The following CHODL variants were observed in gnomAD, a reference collection of about 807,000 sequenced individuals.
The protein encoded by CHODL is transmembrane protein MT75.
In CHODL, 29 loss-of-function variants were observed where a neutral mutation model predicts 34.5. The observed-to-expected ratio is 0.84, with a 90% CI of 0.63 to 1.15. CHODL has a LOEUF of 1.15. Ranked by LOEUF, CHODL falls within the 50% of genes most tolerant of loss-of-function variation. The pLI is 0.00. For synonymous variants in CHODL, 125 were observed against 116.1 expected, an observed-to-expected ratio of 1.08 and a Z score of -0.49; for missense variants, 332 against 332.5, an observed-to-expected ratio of 1.00 and a Z score of 0.01.
At chr21:18,130,711 T>C (rs1453094593) in intron 2 of CHODL, among the ~76,000 whole-genome samples, 1 of 152,190 alleles carries the variant, frequency 6.6e-6, no homozygotes, top group Non-Finnish European at 1.5e-5. Context: ...GGTAAAAAGA[T>C]GTAGGATATT....
At chr21:18,223,576 C>A (rs1301141680) in intron 2 of CHODL, among the ~76,000 whole-genome samples, 3 of 152,052 alleles carry the variant, frequency 2.0e-5, no homozygotes, top group Non-Finnish European at 4.4e-5. Flanking sequence ...AAATATATGC[C>A]TCTATATTTC....
At chr21:18,040,670 T>C (rs2064364110) in intron 2 of CHODL, among the ~76,000 whole-genome samples, 1 of 151,882 alleles carries the variant, frequency 6.6e-6, no homozygotes, top group Non-Finnish European at 1.5e-5. Context: ...ATTATTATTT[T>C]TTCCATAAAA....
At chr21:18,121,740 C>T (rs2065482136) in intron 2 of CHODL, among the ~76,000 whole-genome samples, 1 of 152,100 alleles carries the variant, frequency 6.6e-6, no homozygotes, top group Admixed American at 6.6e-5. Flanking sequence ...CCAGTATGAT[C>T]ATATCACACC....
chr21:18,003,170 A>G (rs975498186), intron 1 of CHODL, among the ~76,000 whole-genome samples: 6 of 150,432 alleles, frequency 4.0e-5, no homozygotes, highest in Non-Finnish European at 5.9e-5. Flanking sequence ...GAGGCGTTCA[A>G]CTTCACTAGC....
At chr21:17,922,121 T>C (rs2063187805) in intron 1 of CHODL, among the ~76,000 whole-genome samples, 1 of 151,738 alleles carries the variant, frequency 6.6e-6, no homozygotes, top group African/African-American at 2.4e-5. Context: ...GGCAGTACAG[T>C]TAGAGTGAAG....
chr21:18,065,699 C>A (rs889762011), intron 2 of CHODL, among the ~76,000 whole-genome samples: 1 of 152,144 alleles, frequency 6.6e-6, no homozygotes, highest in East Asian at 1.9e-4. Context: ...AGCAAGTGAT[C>A]ATTCATCATT....
chr21:18,128,066 G>A (rs1180653887), intron 2 of CHODL, among the ~76,000 whole-genome samples: 4 of 151,598 alleles, frequency 2.6e-5, no homozygotes, highest in Admixed American at 1.3e-4. Context: ...TTTGGGAGGC[G>A]GAGGTGGGCG....
At chr21:18,132,887 G>A (rs958414110) in intron 2 of CHODL, among the ~76,000 whole-genome samples, 7 of 150,516 alleles carry the variant, frequency 4.7e-5, no homozygotes, top group South Asian at 2.1e-4. Flanking sequence ...GTTGATAGTA[G>A]TATGAAAAGA....
intron 1 of CHODL, among the ~76,000 whole-genome samples, chr21:17,961,632 C>T (rs1252955736): frequency 1.3e-5 from 2 of 152,218 alleles, no homozygotes; most frequent in Non-Finnish European, 1.5e-5. Context: ...TGACTCATCA[C>T]AGTTCCTGAA....
At position 18,145,233 on chromosome 21, in the gene CHODL, G is replaced by A. The variant is rs367822181; in HGVS notation, c.-44-111276G>A. ...TGGCGGATCATGAGGTCAGGAGATC[G>A]AGACCATCCTGGCTAACAAGGTGAA... On this transcript the variant is annotated intron_variant, in intron 2 of 6. Transcript: ENST00000400127. 3.2e-4 allele frequency among the ~76,000 whole-genome samples: 39 copies of A among 121,946 alleles called. 1 individual carries two copies. Among genetic ancestry groups the A allele is most frequent in the East Asian group, 1.4e-3 (6 of 4,326 alleles). 80.0% of individuals were successfully genotyped at this position (121,946 alleles called of 152,430 possible).
intron 2 of CHODL, among the ~76,000 whole-genome samples, chr21:18,225,803 G>A (rs759707484): frequency 1.3e-5 from 2 of 152,004 alleles, no homozygotes; most frequent in African/African-American, 2.4e-5. Context: ...GTAGAAACCA[G>A]ACACATAACA....
intron 1 of CHODL, among the ~76,000 whole-genome samples, chr21:17,930,168 G>A (rs2063260721): frequency 6.6e-6 from 1 of 152,196 alleles, no homozygotes; most frequent in African/African-American, 2.4e-5. Flanking sequence ...TACCACCACT[G>A]TTTCTGTGGG....
intron 2 of CHODL, among the ~76,000 whole-genome samples, chr21:18,143,235 A>C (rs1413466824): frequency 6.6e-6 from 1 of 152,204 alleles, no homozygotes; most frequent in Non-Finnish European, 1.5e-5. Context: ...ATCCATACAT[A>C]CTGAGAAATT....
chr21:18,054,310 C>G (rs1287991379), intron 2 of CHODL, among the ~76,000 whole-genome samples: 1 of 151,928 alleles, frequency 6.6e-6, no homozygotes, highest in Non-Finnish European at 1.5e-5. Context: ...CATGCAAATT[C>G]TACAAACATT....
chr21:17,981,233 T>A (rs1233976051), intron 1 of CHODL, among the ~76,000 whole-genome samples: 1 of 152,182 alleles, frequency 6.6e-6, no homozygotes, highest in African/African-American at 2.4e-5. Flanking sequence ...CTCTGACGTG[T>A]AGGTGCTGCT....
intron 2 of CHODL, among the ~76,000 whole-genome samples, chr21:18,093,289 A>C (rs1600993257): frequency 6.6e-6 from 1 of 152,282 alleles, no homozygotes; most frequent in Non-Finnish European, 1.5e-5. Flanking sequence ...AGGCAAACAA[A>C]AGCTGAAGGA....
intron 1 of CHODL, among the ~76,000 whole-genome samples, chr21:17,977,270 G>T (rs917832833): frequency 6.6e-6 from 1 of 152,030 alleles, no homozygotes; most frequent in Non-Finnish European, 1.5e-5. Flanking sequence ...AGAAAAAGCA[G>T]GACATGTTTT....
At chr21:18,217,490 G>GCCC (rs59405917) in intron 2 of CHODL, among the ~76,000 whole-genome samples, 4 of 151,964 alleles carry the variant, frequency 2.6e-5, no homozygotes, top group African/African-American at 7.2e-5. Context: ...GAGGGTAACT[G>GCCC]CCCCCCCGAC....
chr21:18,068,320 C>A (rs1482481577), intron 2 of CHODL, among the ~76,000 whole-genome samples: 1 of 151,910 alleles, frequency 6.6e-6, no homozygotes, highest in African/African-American at 2.4e-5. Context: ...CCTCAGCCTA[C>A]CAAGTAGCTG....
Sources: allele counts gnomAD v4.1 joint callset (sites outside exome capture counted in the v4.1 genomes callset), GRCh38; gene constraint gnomAD v4.1.1; transcripts MANE v1.5; gene names NCBI Gene and HGNC (gene_info 2026-07-23, HGNC 2026-07-21).